The following PTH2R variants were observed in gnomAD, a reference collection of about 807,000 sequenced individuals.
PTH2R encodes the protein PTH2 receptor.
A neutral mutation model predicts 60.3 loss-of-function variants in PTH2R; 59 were observed. That is an observed-to-expected ratio of 0.98 (90% CI 0.79 to 1.22). The LOEUF (loss-of-function observed/expected upper bound fraction) is 1.22, where lower values mean the gene tolerates loss of function less well. Ranked by LOEUF, PTH2R falls within the 50% of genes most tolerant of loss-of-function variation. The pLI is 0.00. For missense variants in PTH2R, 749 were observed against 682.6 expected, an observed-to-expected ratio of 1.10 and a Z score of -1.08; for synonymous variants, 256 against 243.8, an observed-to-expected ratio of 1.05 and a Z score of -0.47.
intron 1 of PTH2R, among the ~76,000 whole-genome samples, chr2:208,363,531 C>T (rs368145103): frequency 2.0e-5 from 3 of 152,094 alleles, no homozygotes; most frequent in African/African-American, 7.2e-5. Context: ...GGTATATATC[C>T]AGTAATGGGG....
chr2:208,421,386 G>T (rs1429666470), intron 1 of PTH2R, among the ~76,000 whole-genome samples: 3 of 151,744 alleles, frequency 2.0e-5, no homozygotes, highest in Admixed American at 6.6e-5. Context: ...GTGTGTGTGT[G>T]TAGTGTCTGT....
At chr2:208,469,787 C>A (rs181988158) in intron 9 of PTH2R, 3 of 152,262 alleles carry the variant, frequency 2.0e-5, no homozygotes, top group Non-Finnish European at 4.4e-5. Flanking sequence ...TAATTCTTCC[C>A]TGTAAGATCA....
chr2:208,423,210 C>T (rs758322426), intron 1 of PTH2R, among the ~76,000 whole-genome samples: 7 of 151,964 alleles, frequency 4.6e-5, no homozygotes, highest in Non-Finnish European at 8.8e-5. Context: ...TTCTTCTTTT[C>T]TAATGGATGT....
rs1271588172 is a variant in PTH2R, at chr2:208,393,034, T to A, written c.-259+32797T>A. On this transcript the variant is annotated intron_variant, in intron 1 of 12. Transcript: ENST00000617735. ...CTTAAAATGCCCTGGCTGGCCACAT[T>A]GATAACACCTAGTGGATGCACCTTG... Among the ~76,000 whole-genome samples, 2 of 152,228 alleles carry A rather than the reference T, an allele frequency of 1.3e-5. 1 individual carries two copies. Among genetic ancestry groups the A allele is most frequent in the African/African-American group, 4.8e-5 (2 of 41,462 alleles).
intron 9 of PTH2R, among the ~76,000 whole-genome samples, chr2:208,472,428 C>G (rs183594851): frequency 6.6e-6 from 1 of 152,284 alleles, no homozygotes; most frequent in Admixed American, 6.5e-5. Flanking sequence ...TCTTGAATTC[C>G]CACATGTTGT....
chr2:208,389,485 G>C (rs548627181), intron 1 of PTH2R, among the ~76,000 whole-genome samples: 1 of 152,268 alleles, frequency 6.6e-6, no homozygotes, highest in South Asian at 2.1e-4. Flanking sequence ...CAGAAGCACT[G>C]GAGGACAAAT....
chr2:208,386,470 C>A (rs930355005), intron 1 of PTH2R, among the ~76,000 whole-genome samples: 4 of 152,060 alleles, frequency 2.6e-5, no homozygotes, highest in African/African-American at 9.7e-5. Context: ...TAGCACAATA[C>A]CTGGCACACT....
intron 2 of PTH2R, among the ~76,000 whole-genome samples, chr2:208,429,388 A>G (rs1343291328): frequency 3.3e-5 from 5 of 152,152 alleles, no homozygotes; most frequent in Admixed American, 3.3e-4. Context: ...ATATATTTTG[A>G]AAATATGTTA....
chr2:208,458,197 T>A (rs760680854), intron 8 of PTH2R, among the ~76,000 whole-genome samples: 8 of 152,104 alleles, frequency 5.3e-5, no homozygotes, highest in Non-Finnish European at 1.2e-4. Flanking sequence ...GTCAGTTCAA[T>A]CCAATAGATA....
intron 1 of PTH2R, among the ~76,000 whole-genome samples, chr2:208,363,956 A>G (rs920273511): frequency 6.6e-6 from 1 of 152,068 alleles, no homozygotes; most frequent in Non-Finnish European, 1.5e-5. Context: ...CTCCCATTCC[A>G]TAGGTTGTTT....
upstream of PTH2R, among the ~76,000 whole-genome samples, chr2:208,405,184 A>T (rs769183813): frequency 5.9e-5 from 9 of 152,316 alleles, no homozygotes; most frequent in South Asian, 4.1e-4. Flanking sequence ...TTGTTACATT[A>T]CCTAAAAAAT....
chr2:208,368,340 T>G (rs1700632586), intron 1 of PTH2R, among the ~76,000 whole-genome samples: 1 of 152,230 alleles, frequency 6.6e-6, no homozygotes, highest in African/African-American at 2.4e-5. Context: ...TTTCTCATGT[T>G]AAGTAGCATC....
rs1352573477 is a variant in PTH2R, at chr2:208,421,546, C to T, written c.76-6655C>T. ...GTAGATGATTCAATAATATTTTTCTCAAAACTATAATGTTTATTATAAGAT... is the reference window on the plus strand; with the variant it reads ...GTAGATGATTCAATAATATTTTTCTTAAAACTATAATGTTTATTATAAGAT... On this transcript the variant is annotated intron_variant, in intron 1 of 12. Transcript: ENST00000272847. Among the ~76,000 whole-genome samples, 8 of 152,038 alleles carry T rather than the reference C, an allele frequency of 5.3e-5. No individual in the cohort carries two copies. The East Asian group carries it at 1.2e-3, about 22-fold the overall frequency.
At chr2:208,405,132 T>G (rs1476657676), upstream of PTH2R, among the ~76,000 whole-genome samples, 2 of 152,042 alleles carry the variant, frequency 1.3e-5, no homozygotes, top group Non-Finnish European at 2.9e-5. Flanking sequence ...ATGGATTCTT[T>G]AATAAGTGAT....
chr2:208,371,493 C>T (rs974996385), intron 1 of PTH2R, among the ~76,000 whole-genome samples: 2 of 152,138 alleles, frequency 1.3e-5, no homozygotes, highest in Non-Finnish European at 2.9e-5. Context: ...ACAGAGTGCT[C>T]CCTCAGGCAT....
intron 1 of PTH2R, among the ~76,000 whole-genome samples, chr2:208,363,576 C>CT (rs1700522647): frequency 6.6e-6 from 1 of 152,156 alleles, no homozygotes; most frequent in Middle Eastern, 3.2e-3. Flanking sequence ...CTTTTAAGTT[C>CT]TTTAAGAAAT....
chr2:208,486,827 A>G (rs779618306), intron 10 of PTH2R, among the ~76,000 whole-genome samples: 1 of 152,200 alleles, frequency 6.6e-6, no homozygotes, highest in African/African-American at 2.4e-5. Context: ...TTTATCAAGG[A>G]TCTTGCCTTG....
chr2:208,394,797 T>C (rs192208069), intron 1 of PTH2R, among the ~76,000 whole-genome samples: 60 of 152,290 alleles, frequency 3.9e-4, no homozygotes, highest in Non-Finnish European at 6.2e-4. Context: ...GGACTTAAAA[T>C]TATTAATTTT....
intron 1 of PTH2R, among the ~76,000 whole-genome samples, chr2:208,382,414 A>T (rs902562592): frequency 6.6e-6 from 1 of 151,280 alleles, no homozygotes; most frequent in Non-Finnish European, 1.5e-5. Flanking sequence ...TGGCTCTACC[A>T]TACTTGATGT....
Sources: gnomAD v4.1 joint callset for allele counts (sites outside exome capture counted in the v4.1 genomes callset) on GRCh38, gnomAD v4.1.1 for gene constraint, MANE v1.5 for transcripts, NCBI Gene and HGNC (gene_info 2026-07-23, HGNC 2026-07-21) for gene names.